Variants in EML6 observed in about 807,000 individuals in gnomAD.
EML6 encodes the protein EMAP like 6.
In EML6, 154 loss-of-function variants were observed where a neutral mutation model predicts 240.1. That is an observed-to-expected ratio of 0.64 (90% confidence interval 0.56 to 0.73). EML6 has a LOEUF of 0.73. Among genes scored for constraint, EML6 ranks in the 30% least tolerant of loss-of-function variants. EML6 has a pLI of 0.00. For synonymous variants in EML6, 1,148 were observed against 899.0 expected (o/e 1.28, Z -4.95); for missense variants, 2,964 against 2,474.6 (o/e 1.20, Z -4.20).
intron 3 of EML6, among the ~76,000 whole-genome samples, chr2:54,813,995 C>T (rs1667972932): frequency 6.6e-6 from 1 of 152,204 alleles, no homozygotes; most frequent in Admixed American, 6.5e-5. Context: ...TCATGTCTGA[C>T]TTAGTTGAAT....
intron 24 of EML6, among the ~76,000 whole-genome samples, chr2:54,906,347 T>C (rs1673327965): frequency 1.3e-5 from 2 of 152,136 alleles, no homozygotes; most frequent in African/African-American, 2.4e-5. Context: ...AAGTCCCAGA[T>C]AGAAAGCACA....
Position 54,970,567 on chromosome 2 carries a change from A to T in EML6, c.*472A>T, listed in dbSNP as rs1018829372. The stretch of plus-strand genomic sequence containing the variant: ...AGTTAGATGCACCGAAGTACTAGAA[A>T]TATCGCTAGCCTCTGTTCTCCAGTT... On this transcript the variant is annotated 3_prime_UTR_variant, in exon 42 of 42. Coordinates refer to ENST00000356458, the MANE Select transcript of EML6 (RefSeq NM_001039753.4). The T allele has an allele frequency of 8.7e-5, 14 of 160,288 alleles. No homozygotes were observed. Among genetic ancestry groups the T allele is most frequent in the Non-Finnish European group, 1.8e-4 (13 of 72,310 alleles). 9.9% of individuals were successfully genotyped at this position (160,288 alleles called of 1,614,324 possible). A position where few individuals can be genotyped will look rare whatever the true frequency, so the allele number is the denominator to read the frequency against.
At chr2:54,769,443 C>T (rs1352437601) in intron 2 of EML6, among the ~76,000 whole-genome samples, 3 of 152,090 alleles carry the variant, frequency 2.0e-5, no homozygotes, top group Non-Finnish European at 4.4e-5. Flanking sequence ...AATTGTAGTA[C>T]AAAAGTAATA....
At chr2:54,762,240 T>C (rs1230423700) in intron 2 of EML6, among the ~76,000 whole-genome samples, 3 of 152,188 alleles carry the variant, frequency 2.0e-5, no homozygotes, top group Non-Finnish European at 2.9e-5. Context: ...TGGGTTTATC[T>C]GATGTTTCCT....
intron 26 of EML6, among the ~76,000 whole-genome samples, chr2:54,927,069 AAC>A (rs1464208468): frequency 6.6e-6 from 1 of 152,122 alleles, no homozygotes; most frequent in Non-Finnish European, 1.5e-5. Context: ...TGCTTTCTGG[AAC>A]TCACATGTTC....
chr2:54,844,009 G>A (rs745896158), intron 7 of EML6, 38 bp from the exon 8 acceptor site: 6 of 850,210 alleles, frequency 7.1e-6, no homozygotes, highest in African/African-American at 2.5e-5. Flanking sequence ...TGTGTGAATA[G>A]TGTGAAGATT....
At chr2:54,840,729 G>A (rs1232788848) in intron 7 of EML6, among the ~76,000 whole-genome samples, 9 of 152,204 alleles carry the variant, frequency 5.9e-5, no homozygotes, top group African/African-American at 1.7e-4. Flanking sequence ...CATCTACCAC[G>A]TGACAGTCAC....
At chr2:54,759,045 C>A (rs1475966033) in intron 2 of EML6, among the ~76,000 whole-genome samples, 1 of 151,728 alleles carries the variant, frequency 6.6e-6, no homozygotes, top group Non-Finnish European at 1.5e-5. Flanking sequence ...CAGCACACGA[C>A]CCAGTATTCT....
intron 11 of EML6, among the ~76,000 whole-genome samples, chr2:54,854,487 T>TCCTTTGCAAGTTTAGGCAAAGCCCATA (rs1670265111): frequency 6.6e-6 from 1 of 152,248 alleles, no homozygotes; most frequent in African/African-American, 2.4e-5. Flanking sequence ...GACCTCTTCT[T>TCCTTTGCAAGTTTAGGCAAAGCCCATA]CCTTTGCAAG....
intron 16 of EML6, among the ~76,000 whole-genome samples, chr2:54,871,953 A>G (rs1160727571): frequency 6.6e-6 from 1 of 152,234 alleles, no homozygotes; most frequent in Non-Finnish European, 1.5e-5. Flanking sequence ...CTTAGTCGCA[A>G]ATGTCTGGCA....
At chr2:54,942,915 A>C (rs540681543) in intron 28 of EML6, among the ~76,000 whole-genome samples, 4 of 152,134 alleles carry the variant, frequency 2.6e-5, no homozygotes, top group African/African-American at 9.6e-5. Flanking sequence ...GTGCCTACCC[A>C]AATGCCATTT....
chr2:54,876,225 TACAGGGAAAGTGAGA>T (rs1393659361), intron 16 of EML6, among the ~76,000 whole-genome samples: 1 of 152,208 alleles, frequency 6.6e-6, no homozygotes, highest in Admixed American at 6.5e-5. Flanking sequence ...GACCACGGCT[TACAGGGAAAGTGAGA>T]ACTGGGAAAG....
intron 16 of EML6, among the ~76,000 whole-genome samples, chr2:54,878,813 AAAGAT>A (rs1297975312): frequency 6.6e-6 from 1 of 152,222 alleles, no homozygotes; most frequent in Non-Finnish European, 1.5e-5. Context: ...ATAGATGAAG[AAAGAT>A]AAGATAACCT....
intron 2 of EML6, among the ~76,000 whole-genome samples, chr2:54,753,670 T>G (rs1008735594): frequency 3.3e-5 from 5 of 151,120 alleles, no homozygotes; most frequent in African/African-American, 7.3e-5. Flanking sequence ...GAGTTTTTTT[T>G]TTTTTTTTTT....
intron 2 of EML6, among the ~76,000 whole-genome samples, chr2:54,770,052 G>A (rs1045140320): frequency 2.6e-5 from 4 of 152,108 alleles, no homozygotes; most frequent in African/African-American, 9.7e-5. Flanking sequence ...ATATGAAGAA[G>A]CCCTTTAATA....
chr2:54,850,728 C>CACAT (rs559213056), intron 10 of EML6, among the ~76,000 whole-genome samples: 1 of 152,256 alleles, frequency 6.6e-6, no homozygotes, highest in African/African-American at 2.4e-5. Context: ...AAATGGAAAC[C>CACAT]ACATATACTG....
At chr2:54,929,099 G>A (rs1296658807) in intron 28 of EML6, among the ~76,000 whole-genome samples, 1 of 152,210 alleles carries the variant, frequency 6.6e-6, no homozygotes. Flanking sequence ...GACCAGCAAG[G>A]TAGGAGGGAG....
chr2:54,955,504 G>C (rs1024681968), intron 32 of EML6, among the ~76,000 whole-genome samples: 5 of 152,200 alleles, frequency 3.3e-5, no homozygotes, highest in African/African-American at 1.2e-4. Flanking sequence ...CTTATGTGGG[G>C]ACAGAAATTG....
At chr2:54,858,864 G>C (rs921685262) in intron 11 of EML6, among the ~76,000 whole-genome samples, 3 of 152,226 alleles carry the variant, frequency 2.0e-5, no homozygotes, top group Non-Finnish European at 2.9e-5. Flanking sequence ...TTTGAAGAGA[G>C]GTTGGGGTAT....
Sources: gnomAD v4.1 joint callset for allele counts (sites outside exome capture counted in the v4.1 genomes callset) on GRCh38, gnomAD v4.1.1 for gene constraint, MANE v1.5 for transcripts, NCBI Gene and HGNC (gene_info 2026-07-23, HGNC 2026-07-21) for gene names.